Variants in VWC2L observed in about 807,000 individuals in gnomAD.
The protein encoded by VWC2L is von Willebrand factor C domain containing 2 like, also known as von Willebrand factor C domain-containing protein 2-like.
VWC2L carries 10 observed loss-of-function variants against 21.6 expected under a neutral mutation model. That is an observed-to-expected ratio of 0.46 (90% CI 0.29 to 0.78). The LOEUF (loss-of-function observed/expected upper bound fraction) is 0.78, where lower values mean the gene tolerates loss of function less well. VWC2L is among the 30% of genes least tolerant of loss of function. The pLI is 0.10. For synonymous variants in VWC2L, 96 were observed against 94.3 expected (o/e 1.02, Z -0.10); for missense variants, 209 against 277.1 (o/e 0.75, Z 1.74).
chr2:214,574,150 T>G (rs969998423), intron 3 of VWC2L, among the ~76,000 whole-genome samples: 1 of 151,938 alleles, frequency 6.6e-6, no homozygotes, highest in African/African-American at 2.4e-5. Context: ...TCAAAAACAA[T>G]AACAACAACA....
At position 214,499,264 on chromosome 2, in the gene VWC2L, T is replaced by C. The variant is rs566208942; in HGVS notation, c.520+62506T>C. On this transcript the variant is annotated intron_variant, in intron 3 of 3. Transcript: ENST00000312504. Reference sequence around the variant, plus strand: ...CAAACTCCTGACCTCGTGATCCACCTGCCTCAGCCTCCCAAAGTGCTGGGA... The same window carrying C: ...CAAACTCCTGACCTCGTGATCCACCCGCCTCAGCCTCCCAAAGTGCTGGGA... Among the ~76,000 whole-genome samples, 1,257 of 152,042 alleles carry C rather than the reference T, an allele frequency of 8.3e-3. 11 individuals carry two copies. The highest frequency in any genetic ancestry group is 0.024 in the Middle Eastern group (7 of 294).
In VWC2L at chr2:214,486,699, T is replaced by C. The variant is rs533946067; in HGVS notation, c.520+49941T>C. On this transcript the variant is annotated intron_variant, in intron 3 of 3. Transcript: ENST00000312504. The stretch of plus-strand genomic sequence containing the variant: ...GACCTTTAAGATGTTCTTTATTTAT[T>C]TTTTTCTTTACTGCAACTTTTCCAT... 2.0e-5 allele frequency among the ~76,000 whole-genome samples: 3 copies of C among 152,288 alleles called. No individual in the cohort carries two copies. The East Asian group carries it at 5.8e-4, about 29-fold the overall frequency.
chr2:214,539,688 T>C (rs533267358), intron 3 of VWC2L, among the ~76,000 whole-genome samples: 17 of 152,280 alleles, frequency 1.1e-4, no homozygotes, highest in African/African-American at 4.1e-4. Flanking sequence ...CAATTTGTAA[T>C]TAGATTGCAT....
intron 3 of VWC2L, among the ~76,000 whole-genome samples, chr2:214,511,995 C>G (rs1248080867): frequency 6.6e-6 from 1 of 151,418 alleles, no homozygotes; most frequent in Non-Finnish European, 1.5e-5. Context: ...AATGCTTACC[C>G]TTCTCATTAG....
chr2:214,445,835 C>A (rs1330001705), intron 3 of VWC2L, among the ~76,000 whole-genome samples: 1 of 151,780 alleles, frequency 6.6e-6, no homozygotes, highest in African/African-American at 2.4e-5. Flanking sequence ...TAGCATGTTC[C>A]TTATGAGAAA....
At chr2:214,551,164 C>G (rs181990433) in intron 3 of VWC2L, among the ~76,000 whole-genome samples, 1 of 152,036 alleles carries the variant, frequency 6.6e-6, no homozygotes, top group African/African-American at 2.4e-5. Context: ...CTTTGAGGTT[C>G]GAAGGTCAGA....
chr2:214,518,190 T>C (rs1689175823), intron 3 of VWC2L, among the ~76,000 whole-genome samples: 2 of 152,064 alleles, frequency 1.3e-5, no homozygotes, highest in South Asian at 2.1e-4. Context: ...GAATTAGTAC[T>C]GTATGTCAAC....
chr2:214,528,283 A>C (rs555254688), intron 3 of VWC2L, among the ~76,000 whole-genome samples: 14 of 152,188 alleles, frequency 9.2e-5, no homozygotes, highest in Non-Finnish European at 1.8e-4. Context: ...TGTTCTTACC[A>C]AGTAATTATT....
intron 3 of VWC2L, among the ~76,000 whole-genome samples, chr2:214,465,118 T>G (rs1254750776): frequency 6.6e-6 from 1 of 152,108 alleles, no homozygotes; most frequent in Non-Finnish European, 1.5e-5. Flanking sequence ...GGAACTTACC[T>G]GGGGTCCCAC....
chr2:214,456,710 G>T (rs754303143), intron 3 of VWC2L, among the ~76,000 whole-genome samples: 1 of 151,822 alleles, frequency 6.6e-6, no homozygotes, highest in Non-Finnish European at 1.5e-5. Flanking sequence ...TATAGTTTGG[G>T]GTCTTACTTC....
chr2:214,443,777 T>G (rs1370867462), intron 3 of VWC2L, among the ~76,000 whole-genome samples: 1 of 152,170 alleles, frequency 6.6e-6, no homozygotes, highest in Non-Finnish European at 1.5e-5. Flanking sequence ...GACAAGGATG[T>G]CTACTATCAT....
chr2:214,445,490 A>T (rs1382623197), intron 3 of VWC2L, among the ~76,000 whole-genome samples: 2 of 151,802 alleles, frequency 1.3e-5, no homozygotes, highest in Non-Finnish European at 2.9e-5. Flanking sequence ...GAAACTATAC[A>T]TGTATGTACA....
intron 3 of VWC2L, among the ~76,000 whole-genome samples, chr2:214,458,969 CTTG>C (rs1703094910): frequency 6.6e-6 from 1 of 151,986 alleles, no homozygotes; most frequent in Non-Finnish European, 1.5e-5. Context: ...CCAATGTGTC[CTTG>C]TTGATTTTCT....
intron 2 of VWC2L, among the ~76,000 whole-genome samples, chr2:214,434,461 C>T (rs1313142093): frequency 2.0e-5 from 3 of 152,158 alleles, no homozygotes; most frequent in Admixed American, 1.3e-4. Context: ...AGTTAATGGA[C>T]TTCTCTTTCT....
chr2:214,553,579 AG>A (rs1293380403), intron 3 of VWC2L, among the ~76,000 whole-genome samples: 1 of 152,200 alleles, frequency 6.6e-6, no homozygotes, highest in Non-Finnish European at 1.5e-5. Flanking sequence ...TGAAGCCTCC[AG>A]GTAGCAGGCT....
chr2:214,519,791 C>G (rs1689203566), intron 3 of VWC2L, among the ~76,000 whole-genome samples: 1 of 152,134 alleles, frequency 6.6e-6, no homozygotes, highest in South Asian at 2.1e-4. Flanking sequence ...CACTTGCACC[C>G]AAACTGACTC....
At chr2:214,560,468 G>T (rs1689949314) in intron 3 of VWC2L, among the ~76,000 whole-genome samples, 1 of 152,134 alleles carries the variant, frequency 6.6e-6, no homozygotes, top group South Asian at 2.1e-4. Flanking sequence ...GACTTCCATT[G>T]TGGTGTGTTA....
At chr2:214,520,218 C>A (rs1689213700) in intron 3 of VWC2L, among the ~76,000 whole-genome samples, 1 of 151,978 alleles carries the variant, frequency 6.6e-6, no homozygotes, top group African/African-American at 2.4e-5. Flanking sequence ...CAGCCCATTC[C>A]CCATATATAC....
At chr2:214,443,088 A>G (rs1702785728) in intron 3 of VWC2L, among the ~76,000 whole-genome samples, 1 of 152,080 alleles carries the variant, frequency 6.6e-6, no homozygotes, top group Admixed American at 6.5e-5. Context: ...TTTGTATCGA[A>G]GTCATGAAAA....
Sources: allele counts gnomAD v4.1 joint callset (sites outside exome capture counted in the v4.1 genomes callset), GRCh38; gene constraint gnomAD v4.1.1; transcripts MANE v1.5; gene names NCBI Gene and HGNC (gene_info 2026-07-23, HGNC 2026-07-21).